Variants in SLC9A9 observed in about 807,000 individuals in gnomAD.
SLC9A9 encodes sodium/hydrogen exchanger 9.
SLC9A9 carries 62 observed loss-of-function variants against 77.8 expected under a neutral mutation model. The observed-to-expected ratio is 0.80, with a 90% CI of 0.65 to 0.98. The LOEUF is 0.98. Ranked by LOEUF, SLC9A9 falls within the 50% of genes least tolerant of loss-of-function variation. The probability of loss-of-function intolerance (pLI) is 0.00; values close to 1 mark genes in which losing one functional copy is unlikely to be tolerated. For missense variants in SLC9A9, 775 were observed against 774.9 expected (o/e 1.00, Z 0.00); for synonymous variants, 320 against 283.5 (o/e 1.13, Z -1.29).
At chr3:143,747,942 C>A (rs983960703) in intron 4 of SLC9A9, among the ~76,000 whole-genome samples, 1 of 152,148 alleles carries the variant, frequency 6.6e-6, no homozygotes, top group Non-Finnish European at 1.5e-5. Flanking sequence ...ACACTCCAGG[C>A]ACCTGAGACA....
At chr3:143,359,605 A>G (rs2032687005) in intron 14 of SLC9A9, among the ~76,000 whole-genome samples, 2 of 152,092 alleles carry the variant, frequency 1.3e-5, no homozygotes, top group African/African-American at 4.8e-5. Flanking sequence ...GCCGAGGGGA[A>G]AGAGTAGGAT....
rs368746990 is a variant in SLC9A9 at position 143,578,663 on chromosome 3, G to T, written c.816C>A (p.Phe272Leu). The T allele has an allele frequency of 6.2e-7, 1 of 1,614,090 alleles. No individual in the cohort carries two copies. Among genetic ancestry groups the T allele is most frequent in the Admixed American group, 1.7e-5 (1 of 60,014 alleles). ...NPNAFDAAAFFQSVGNFLGIF... is the reference protein window; with the variant it reads ...NPNAFDAAAFLQSVGNFLGIF... ...TTCCCAGGAAATTCCCCACAGACTGGAAGAATGCTGCGGCATCAAATGCAT... is the reference window on the plus strand; with the variant it reads ...TTCCCAGGAAATTCCCCACAGACTGTAAGAATGCTGCGGCATCAAATGCAT... The change falls in exon 7 of 16, where the codon TTC becomes TTA. Residue 272 changes from phenylalanine (F) to leucine (L), a missense_variant. Physicochemically the swap from Phe to Leu is conservative, Grantham distance 22. Transcript: ENST00000316549.
intron 2 of SLC9A9, among the ~76,000 whole-genome samples, chr3:143,822,705 A>G (rs921765956): frequency 1.1e-4 from 17 of 152,258 alleles, no homozygotes; most frequent in African/African-American, 4.1e-4. Context: ...CACTCTTGCC[A>G]CAGTTTAATA....
At chr3:143,281,025 C>A (rs537137346) in intron 14 of SLC9A9, among the ~76,000 whole-genome samples, 2 of 152,290 alleles carry the variant, frequency 1.3e-5, no homozygotes, top group African/African-American at 4.8e-5. Context: ...ATATCCAGCT[C>A]TCTTCTTTCA....
intron 4 of SLC9A9, among the ~76,000 whole-genome samples, chr3:143,773,658 A>G (rs1560073076): frequency 2.0e-5 from 3 of 152,088 alleles, no homozygotes; most frequent in Admixed American, 2.0e-4. Context: ...CTAATTTTGT[A>G]TGTTTAGTAG....
intron 13 of SLC9A9, among the ~76,000 whole-genome samples, chr3:143,377,974 C>A (rs1235138705): frequency 6.6e-6 from 1 of 152,204 alleles, no homozygotes; most frequent in Non-Finnish European, 1.5e-5. Context: ...GTAGCCTCTG[C>A]CAGACTACCT....
At chr3:143,534,247 T>C (rs1288679044) in intron 9 of SLC9A9, among the ~76,000 whole-genome samples, 1 of 152,174 alleles carries the variant, frequency 6.6e-6, no homozygotes, top group African/African-American at 2.4e-5. Flanking sequence ...AATTTGAAAA[T>C]AAATTCTAAA....
chr3:143,636,400 T>C (rs979042733), intron 6 of SLC9A9, among the ~76,000 whole-genome samples: 2 of 152,228 alleles, frequency 1.3e-5, no homozygotes, highest in Non-Finnish European at 2.9e-5. Context: ...TTAAGTCTCT[T>C]GTATTTTCTA....
At chr3:143,702,877 G>A (rs1262303581) in intron 4 of SLC9A9, among the ~76,000 whole-genome samples, 2 of 151,912 alleles carry the variant, frequency 1.3e-5, no homozygotes, top group Non-Finnish European at 2.9e-5. Flanking sequence ...TAAAGGGATG[G>A]AAAAAGATAT....
intron 9 of SLC9A9, chr3:143,503,596 T>G (rs2035961271): frequency 2.3e-6 from 1 of 438,042 alleles, no homozygotes; most frequent in African/African-American, 2.0e-5. Context: ...GCCAATGAGC[T>G]TCCTGGTTCA....
chr3:143,557,863 T>A (rs1478044144), intron 8 of SLC9A9, among the ~76,000 whole-genome samples: 1 of 152,094 alleles, frequency 6.6e-6, no homozygotes, highest in African/African-American at 2.4e-5. Context: ...TAGAAAAAAA[T>A]AAAACCATTT....
chr3:143,544,971 G>A (rs2036761116), intron 9 of SLC9A9, among the ~76,000 whole-genome samples: 2 of 152,170 alleles, frequency 1.3e-5, no homozygotes, highest in South Asian at 4.2e-4. Flanking sequence ...AGACCAGATG[G>A]GTGTAGTAGG....
At chr3:143,810,122 CA>C (rs1215530586) in intron 2 of SLC9A9, among the ~76,000 whole-genome samples, 1 of 152,116 alleles carries the variant, frequency 6.6e-6, no homozygotes, top group Non-Finnish European at 1.5e-5. Flanking sequence ...CACGAGGATG[CA>C]GCAAATTTTA....
intron 14 of SLC9A9, among the ~76,000 whole-genome samples, chr3:143,354,016 G>A (rs1489503891): frequency 6.6e-6 from 1 of 152,032 alleles, no homozygotes; most frequent in African/African-American, 2.4e-5. Context: ...CTAGGCACTG[G>A]GAATAAGGGT....
intron 6 of SLC9A9, among the ~76,000 whole-genome samples, chr3:143,610,391 C>A (rs1404716348): frequency 6.6e-6 from 1 of 152,200 alleles, no homozygotes; most frequent in Non-Finnish European, 1.5e-5. Flanking sequence ...AAGCAATCTT[C>A]TTGCCTTCGC....
intron 6 of SLC9A9, among the ~76,000 whole-genome samples, chr3:143,612,389 G>A (rs1382080411): frequency 6.6e-6 from 1 of 152,170 alleles, no homozygotes; most frequent in Non-Finnish European, 1.5e-5. Flanking sequence ...TCCTCAGACA[G>A]TCTCTCTCTC....
chr3:143,578,511 C>G, intron 7 of SLC9A9, 74 bp downstream of exon 7: 1 of 1,607,250 alleles, frequency 6.2e-7, no homozygotes, highest in Non-Finnish European at 8.5e-7. Context: ...TGGAGGTTGT[C>G]CATCATCAGA....
At chr3:143,611,323 G>T (rs560633023) in intron 6 of SLC9A9, among the ~76,000 whole-genome samples, 20 of 151,974 alleles carry the variant, frequency 1.3e-4, no homozygotes, top group Non-Finnish European at 2.5e-4. Context: ...TACTAAATAG[G>T]TTCCATAAGA....
chr3:143,548,115 C>T (rs2108635606), intron 9 of SLC9A9, among the ~76,000 whole-genome samples: 1 of 152,152 alleles, frequency 6.6e-6, no homozygotes, highest in South Asian at 2.1e-4. Context: ...TTTCATCTAC[C>T]CATGTGTATC....
Sources: allele counts gnomAD v4.1 joint callset (sites outside exome capture counted in the v4.1 genomes callset), GRCh38; gene constraint gnomAD v4.1.1; transcripts MANE v1.5; gene names NCBI Gene and HGNC (gene_info 2026-07-23, HGNC 2026-07-21).